LYN: variants seen among roughly 807,000 people sequenced by gnomAD.
The protein encoded by LYN is LYN proto-oncogene, Src family tyrosine kinase.
Under a neutral mutation model 65.0 loss-of-function variants are expected in LYN, and 12 were observed. The observed-to-expected ratio is 0.18, with a 90% CI of 0.12 to 0.30. LYN has a LOEUF of 0.30. Ranked by LOEUF, LYN falls within the 10% of genes least tolerant of loss-of-function variation. LYN has a pLI of 1.00. For synonymous variants in LYN, 222 were observed against 221.2 expected, an observed-to-expected ratio of 1.00 and a Z score of -0.03; for missense variants, 380 against 623.2, an observed-to-expected ratio of 0.61 and a Z score of 4.16.
intron 12 of LYN, among the ~76,000 whole-genome samples, chr8:56,009,427 C>G (rs1389716687): frequency 6.6e-6 from 1 of 152,192 alleles, no homozygotes; most frequent in Non-Finnish European, 1.5e-5. Context: ...ATACAACACA[C>G]TGGGTAATTT....
intron 3 of LYN, among the ~76,000 whole-genome samples, chr8:55,946,964 C>G (rs967280894): frequency 6.6e-6 from 1 of 152,148 alleles, no homozygotes; most frequent in Non-Finnish European, 1.5e-5. Flanking sequence ...AGTATATGCC[C>G]TGGCCGGGTG....
intron 9 of LYN, among the ~76,000 whole-genome samples, chr8:55,969,457 C>T (rs1203236561): frequency 6.6e-6 from 1 of 152,156 alleles, no homozygotes; most frequent in Non-Finnish European, 1.5e-5. Context: ...TTCTCAGACA[C>T]CTGTAGTGAG....
At chr8:55,882,254 T>A (rs531231178) in intron 1 of LYN, among the ~76,000 whole-genome samples, 1 of 152,302 alleles carries the variant, frequency 6.6e-6, no homozygotes, top group Non-Finnish European at 1.5e-5. Context: ...GTTACAAAGG[T>A]AGGTCGAAAC....
At chr8:55,892,216 T>A (rs917067776) in intron 1 of LYN, among the ~76,000 whole-genome samples, 2 of 151,780 alleles carry the variant, frequency 1.3e-5, no homozygotes, top group African/African-American at 4.8e-5. Context: ...AGGTCAGGAG[T>A]TCAAGACCAG....
At chr8:56,005,585 G>A (rs922712163) in intron 12 of LYN, among the ~76,000 whole-genome samples, 2 of 152,164 alleles carry the variant, frequency 1.3e-5, no homozygotes, top group African/African-American at 2.4e-5. Flanking sequence ...TCTTCCTCTT[G>A]GCTCAGACCA....
chr8:55,883,905 G>C (rs1804716336), intron 1 of LYN, among the ~76,000 whole-genome samples: 2 of 152,014 alleles, frequency 1.3e-5, no homozygotes, highest in East Asian at 1.9e-4. Flanking sequence ...TCTTACAGCT[G>C]TCTGGTTTCC....
At chr8:55,978,804 G>C (rs1412513003) in intron 10 of LYN, among the ~76,000 whole-genome samples, 1 of 152,158 alleles carries the variant, frequency 6.6e-6, no homozygotes, top group African/African-American at 2.4e-5. Context: ...GAACCTGGCT[G>C]GACCCTTCTC....
At chr8:55,905,532 T>C (rs756061655) in intron 1 of LYN, among the ~76,000 whole-genome samples, 6 of 152,200 alleles carry the variant, frequency 3.9e-5, no homozygotes, top group Non-Finnish European at 8.8e-5. Context: ...CCTGGAGTGC[T>C]GAGATGTGTC....
intron 1 of LYN, among the ~76,000 whole-genome samples, chr8:55,938,812 C>G (rs1038864456): frequency 1.3e-5 from 2 of 152,178 alleles, no homozygotes; most frequent in Non-Finnish European, 2.9e-5. Context: ...AGGCTGTAGA[C>G]TTAGCTTATG....
At chr8:56,004,185 G>A (rs1211248728) in intron 12 of LYN, among the ~76,000 whole-genome samples, 2 of 151,508 alleles carry the variant, frequency 1.3e-5, no homozygotes, top group African/African-American at 4.8e-5. Context: ...GCCTGCTTTG[G>A]CCTCCCAAAG....
rs1027041525 is a variant in LYN, at chr8:55,937,906, A to G, written c.-5-3949A>G. The stretch of plus-strand genomic sequence containing the variant: ...GAGACAGAGTTTCATCATGTTGGCC[A>G]GGCCAGTCTCGAACCCCTGACCTCA... On this transcript the variant is annotated intron_variant, in intron 1 of 12. Transcript: ENST00000519728. Among the ~76,000 whole-genome samples, 3 of 152,248 alleles carry G rather than the reference A, an allele frequency of 2.0e-5. No individual in the cohort carries two copies. In the South Asian group the frequency reaches 6.2e-4, roughly 32 times the overall value.
intron 10 of LYN, among the ~76,000 whole-genome samples, chr8:55,977,704 G>A (rs1031805725): frequency 6.6e-6 from 1 of 150,576 alleles, no homozygotes. Context: ...CCTGAGGCTG[G>A]GAGTTTGAGC....
At chr8:55,961,146 C>A (rs1297801686) in intron 8 of LYN, among the ~76,000 whole-genome samples, 1 of 152,168 alleles carries the variant, frequency 6.6e-6, no homozygotes, top group Non-Finnish European at 1.5e-5. Flanking sequence ...CAACTGCATG[C>A]ATTTTTTAAA....
intron 8 of LYN, among the ~76,000 whole-genome samples, chr8:55,962,462 T>G (rs1406082578): frequency 6.6e-6 from 1 of 152,190 alleles, no homozygotes; most frequent in Non-Finnish European, 1.5e-5. Context: ...CTTCATCTCA[T>G]GTCGTGTTTG....
intron 10 of LYN, among the ~76,000 whole-genome samples, chr8:55,975,436 T>C (rs1807726141): frequency 6.6e-6 from 1 of 152,188 alleles, no homozygotes; most frequent in Admixed American, 6.5e-5. Flanking sequence ...GCTCTAATAT[T>C]GCATGACTAA....
chr8:56,007,820 T>A (rs570824646), intron 12 of LYN, among the ~76,000 whole-genome samples: 2 of 152,274 alleles, frequency 1.3e-5, no homozygotes, highest in South Asian at 4.1e-4. Flanking sequence ...TAATTCATTT[T>A]AAAAAATACT....
In LYN at chr8:55,926,637, G is replaced by C. The variant is rs185234033; in HGVS notation, c.-5-15218G>C. 2.2e-3 allele frequency among the ~76,000 whole-genome samples: 342 copies of C among 152,302 alleles called. 1 individual carries two copies. Among genetic ancestry groups the C allele is most frequent in the African/African-American group, 7.8e-3 (325 of 41,570 alleles). ...AAACCATAATTATTAAGACACAGCA[G>C]GTAACGGCCTGCCCTTGATAATTGT... On this transcript the variant is annotated intron_variant, in intron 1 of 12. Transcript: ENST00000519728.
intron 1 of LYN, chr8:55,902,854 C>CTT (rs377601406): frequency 4.4e-4 from 163 of 369,934 alleles, no homozygotes; most frequent in South Asian, 4.7e-4. Context: ...TAGCATGAGG[C>CTT]TTTTTTTTTT....
At chr8:55,881,698 A>G (rs1000185469) in intron 1 of LYN, among the ~76,000 whole-genome samples, 3 of 152,218 alleles carry the variant, frequency 2.0e-5, no homozygotes, top group Non-Finnish European at 2.9e-5. Flanking sequence ...ATCATTTAAT[A>G]TGCTGTGATT....
Sources: gnomAD v4.1 joint callset for allele counts (sites outside exome capture counted in the v4.1 genomes callset) on GRCh38, gnomAD v4.1.1 for gene constraint, MANE v1.5 for transcripts, NCBI Gene and HGNC (gene_info 2026-07-23, HGNC 2026-07-21) for gene names.